Variants in LRBA observed in about 807,000 individuals in gnomAD.
LRBA encodes the protein lipopolysaccharide-responsive and beige-like anchor protein.
Under a neutral mutation model 330.0 loss-of-function variants are expected in LRBA, and 176 were observed. The observed-to-expected ratio is 0.53, with a 90% confidence interval of 0.47 to 0.60. The LOEUF (loss-of-function observed/expected upper bound fraction) is 0.60, where lower values mean the gene tolerates loss of function less well. Ranked by LOEUF, LRBA falls within the 20% of genes least tolerant of loss-of-function variation. LRBA has a pLI of 0.00. For synonymous variants in LRBA, 1,230 were observed against 1,193.0 expected (o/e 1.03, Z -0.64); for missense variants, 3,259 against 3,444.8 (o/e 0.95, Z 1.35).
chr4:150,578,758 GGTA>G (rs1452340424), intron 40 of LRBA, among the ~76,000 whole-genome samples: 3 of 152,190 alleles, frequency 2.0e-5, no homozygotes, highest in Non-Finnish European at 4.4e-5. Flanking sequence ...TGATGCAAGA[GGTA>G]AAGCCTAGAG....
chr4:150,850,778 C>T lies in LRBA; in HGVS notation c.3950G>A (p.Arg1317His), dbSNP rs1047132889. The T allele has an allele frequency of 9.9e-6, 16 of 1,613,384 alleles. No individual in the cohort carries two copies. The Middle Eastern group carries it at 4.9e-4, about 50-fold the overall frequency. Reference sequence around the variant, plus strand: ...TGAAAATAATAGATCAGTGAGCAAACGTTGATGCATCTGAGACCAGTTGAA... The same window carrying T: ...TGAAAATAATAGATCAGTGAGCAAATGTTGATGCATCTGAGACCAGTTGAA... Reference protein sequence around the residue: ...PEFNWSQMHQRLLTDLLFSIE... With the variant: ...PEFNWSQMHQHLLTDLLFSIE... The change falls in exon 24 of 57, where the codon CGT becomes CAT. Residue 1317 changes from arginine (R) to histidine (H), a missense_variant. Transcript: ENST00000651943.
chr4:150,451,211 CTTAA>C (rs1442454530), intron 44 of LRBA, among the ~76,000 whole-genome samples: 1 of 152,174 alleles, frequency 6.6e-6, no homozygotes, highest in East Asian at 1.9e-4. Context: ...ACCAATTTTA[CTTAA>C]TTGATATTTA....
chr4:150,844,332 CT>C, intron 27 of LRBA, 125 bp from the exon 28 acceptor site: 6 of 552,100 alleles, frequency 1.1e-5, no homozygotes, highest in Non-Finnish European at 1.5e-5. Context: ...CCTTTCCCCA[CT>C]TTTTTTGTGT....
intron 36 of LRBA, among the ~76,000 whole-genome samples, chr4:150,717,667 C>CAAT (rs1553944883): frequency 6.3e-5 from 1 of 15,972 alleles, no homozygotes; most frequent in Non-Finnish European, 3.1e-4. Context: ...CTCAAAATAA[C>CAAT]AATAATAGTA....
chr4:150,654,286 A>G (rs1278800162), intron 37 of LRBA, among the ~76,000 whole-genome samples: 1 of 152,118 alleles, frequency 6.6e-6, no homozygotes, highest in Non-Finnish European at 1.5e-5. Flanking sequence ...TCCCGGGTTC[A>G]AGCAATTCTC....
chr4:150,812,179 C>A (rs1743836739), intron 31 of LRBA, among the ~76,000 whole-genome samples: 1 of 152,164 alleles, frequency 6.6e-6, no homozygotes, highest in Non-Finnish European at 1.5e-5. Flanking sequence ...AAAATATAAA[C>A]TTTCAATCAA....
chr4:150,636,639 A>T (rs1777940790), intron 37 of LRBA, among the ~76,000 whole-genome samples: 3 of 152,152 alleles, frequency 2.0e-5, no homozygotes, highest in Non-Finnish European at 2.9e-5. Flanking sequence ...GCTAGGAAAT[A>T]TATCCAGCTG....
rs150863375 is a variant in LRBA, at chr4:150,696,707, A to G, written c.5755-12990T>C. Among the ~76,000 whole-genome samples, 1,171 of 152,182 alleles carry G rather than the reference A, an allele frequency of 7.7e-3. 14 individuals carry two copies. The highest frequency in any genetic ancestry group is 0.027 in the African/African-American group (1,118 of 41,532). On this transcript the variant is annotated intron_variant, in intron 36 of 56. Coordinates refer to ENST00000651943, the MANE Select transcript of LRBA (RefSeq NM_001364905.1). ...TGGAAAGAGAGAAAAAGAAGGAACT[A>G]TTAGGAATCAGGGAGAGGCTGGGCA...
chr4:150,423,454 G>T (rs1749106832), intron 46 of LRBA: 1 of 589,770 alleles, frequency 1.7e-6, no homozygotes. Context: ...TTGCCAGCGG[G>T]CCCCATTTCT....
At chr4:150,534,260 T>C (rs1764375005) in intron 40 of LRBA, among the ~76,000 whole-genome samples, 1 of 150,666 alleles carries the variant, frequency 6.6e-6, no homozygotes, top group Non-Finnish European at 1.5e-5. Flanking sequence ...GTATACATTA[T>C]TGTTCACATT....
chr4:150,837,573 G>A (rs530712124), intron 28 of LRBA, among the ~76,000 whole-genome samples: 1 of 152,196 alleles, frequency 6.6e-6, no homozygotes, highest in South Asian at 2.1e-4. Context: ...TTTGATCTTT[G>A]TTGGTTTAAA....
intron 37 of LRBA, among the ~76,000 whole-genome samples, chr4:150,665,313 A>G (rs1781467638): frequency 6.6e-6 from 1 of 152,158 alleles, no homozygotes; most frequent in Non-Finnish European, 1.5e-5. Flanking sequence ...AATCAACTAC[A>G]TCGTTTGGAC....
chr4:150,336,061 T>C (rs1037309480), intron 48 of LRBA, among the ~76,000 whole-genome samples: 1 of 152,222 alleles, frequency 6.6e-6, no homozygotes, highest in African/African-American at 2.4e-5. Context: ...GAAATACATA[T>C]ATTTTTAACT....
chr4:150,554,353 G>A (rs1472409977), intron 40 of LRBA, among the ~76,000 whole-genome samples: 1 of 152,166 alleles, frequency 6.6e-6, no homozygotes, highest in Non-Finnish European at 1.5e-5. Context: ...ATACTGCGCT[G>A]GAGCAAGAAG....
At chr4:150,987,322 G>C (rs1392432672) in intron 2 of LRBA, among the ~76,000 whole-genome samples, 2 of 152,154 alleles carry the variant, frequency 1.3e-5, no homozygotes, top group Non-Finnish European at 2.9e-5. Context: ...TGAAGAAATT[G>C]TGCTAATGCC....
At chr4:150,451,352 G>A (rs527851350) in intron 44 of LRBA, among the ~76,000 whole-genome samples, 16 of 152,120 alleles carry the variant, frequency 1.1e-4, no homozygotes, top group Admixed American at 3.3e-4. Context: ...ATCATACAGC[G>A]TATGTTCCTC....
intron 2 of LRBA, among the ~76,000 whole-genome samples, chr4:150,987,871 G>A (rs1048151880): frequency 6.6e-5 from 10 of 151,604 alleles, no homozygotes; most frequent in Non-Finnish European, 1.2e-4. Context: ...GTGTCCTGGT[G>A]AGCGGCTGTA....
At chr4:150,589,194 A>G (rs1281948693) in intron 39 of LRBA, among the ~76,000 whole-genome samples, 1 of 152,208 alleles carries the variant, frequency 6.6e-6, no homozygotes, top group Non-Finnish European at 1.5e-5. Context: ...CTGAATTAAT[A>G]TAGTGCCTAT....
chr4:150,638,093 A>AT (rs1191003242), intron 37 of LRBA, among the ~76,000 whole-genome samples: 3 of 145,764 alleles, frequency 2.1e-5, no homozygotes, highest in Non-Finnish European at 3.1e-5. Flanking sequence ...AATTTCTTTA[A>AT]TTATTTTTTT....
Sources: gnomAD v4.1 joint callset for allele counts (sites outside exome capture counted in the v4.1 genomes callset) on GRCh38, gnomAD v4.1.1 for gene constraint, MANE v1.5 for transcripts, NCBI Gene and HGNC (gene_info 2026-07-23, HGNC 2026-07-21) for gene names.